Variants in PRKAG2 observed in about 807,000 individuals in gnomAD.
The protein encoded by PRKAG2 is 5'-AMP-activated protein kinase subunit gamma-2.
A neutral mutation model predicts 69.6 loss-of-function variants in PRKAG2; 26 were observed. The observed-to-expected ratio is 0.37, with a 90% CI of 0.27 to 0.52. The LOEUF (loss-of-function observed/expected upper bound fraction) is 0.52. PRKAG2 is among the 20% of genes least tolerant of loss of function. The pLI is 0.90. For missense variants in PRKAG2, 557 were observed against 740.0 expected (o/e 0.75, Z 2.87); for synonymous variants, 293 against 285.0 (o/e 1.03, Z -0.28).
At chr7:151,738,651 T>G (rs1186316283) in intron 3 of PRKAG2, among the ~76,000 whole-genome samples, 1 of 152,290 alleles carries the variant, frequency 6.6e-6, no homozygotes, top group African/African-American at 2.4e-5. Flanking sequence ...TAGCCCAACC[T>G]ATTCCTTTAA....
chr7:151,855,480 A>G (rs1199068107), intron 1 of PRKAG2, among the ~76,000 whole-genome samples: 4 of 34,592 alleles, frequency 1.2e-4, no homozygotes, highest in Non-Finnish European at 1.7e-4. Flanking sequence ...TGCTCCACAC[A>G]CCACCCTCCA....
Position 151,687,037 on chromosome 7 carries a change from C to T in PRKAG2, c.467-11400G>A, listed in dbSNP as rs373865607. On this transcript the variant is annotated intron_variant, in intron 3 of 15. Coordinates refer to ENST00000287878, the MANE Select transcript of PRKAG2 (RefSeq NM_016203.4). ...GCTTTGTATACCCAATAACATTCTG[C>T]ACCTAGTTATGAAATAGTTGGCTCT... Among the ~76,000 whole-genome samples the T allele has an allele frequency of 2.6e-5, 4 of 152,186 alleles. No individual in the cohort carries two copies. The South Asian group carries it at 8.3e-4, about 32-fold the overall frequency.
intron 1 of PRKAG2, among the ~76,000 whole-genome samples, chr7:151,855,209 T>C (rs1586728725): frequency 4.3e-5 from 4 of 92,942 alleles, no homozygotes; most frequent in Non-Finnish European, 9.0e-5. Flanking sequence ...CACACCACCC[T>C]CCACACACAC....
chr7:151,670,162 GCCCACATACA>G (rs1165381226), intron 4 of PRKAG2, among the ~76,000 whole-genome samples: 2 of 151,558 alleles, frequency 1.3e-5, no homozygotes, highest in East Asian at 3.9e-4. Flanking sequence ...CTGCATGCAT[GCCCACATACA>G]CCCACACACA....
chr7:151,828,314 G>A lies in PRKAG2; in HGVS notation c.115-41773C>T, dbSNP rs1219303635. ...GGATATCAAATCCTAGCCCAACAAG[G>A]GGTGACGGCAGGACTCTCCCCGGAT... On this transcript the variant is annotated intron_variant, in intron 1 of 15. Coordinates refer to ENST00000287878, the MANE Select transcript of PRKAG2 (RefSeq NM_016203.4). The surrounding 1 kb of genome is among the most constrained non-coding windows in gnomAD (Gnocchi z 4.6). Among the ~76,000 whole-genome samples the A allele has an allele frequency of 4.6e-5, 7 of 152,166 alleles. No individual in the cohort carries two copies. The highest frequency in any genetic ancestry group is 1.0e-4 in the Non-Finnish European group (7 of 68,036).
At chr7:151,651,834 T>C (rs956991961) in intron 4 of PRKAG2, among the ~76,000 whole-genome samples, 3 of 152,090 alleles carry the variant, frequency 2.0e-5, no homozygotes, top group Non-Finnish European at 2.9e-5. Flanking sequence ...ATGAGCTCAC[T>C]TGTAGATTAT....
chr7:151,800,798 T>G (rs74602755), intron 1 of PRKAG2, among the ~76,000 whole-genome samples: 1 of 152,142 alleles, frequency 6.6e-6, no homozygotes. Flanking sequence ...ACCCACAGAA[T>G]GTACACCACC....
chr7:151,560,992 C>A (rs938269478), intron 14 of PRKAG2, among the ~76,000 whole-genome samples: 7 of 152,154 alleles, frequency 4.6e-5, no homozygotes, highest in African/African-American at 1.7e-4. Flanking sequence ...CAGACCCATA[C>A]GATGACCTTA....
chr7:151,730,120 C>G (rs758624391), intron 3 of PRKAG2, among the ~76,000 whole-genome samples: 1 of 152,124 alleles, frequency 6.6e-6, no homozygotes, highest in Non-Finnish European at 1.5e-5. Flanking sequence ...GGAATGCATA[C>G]GTGAAATGGT....
intron 3 of PRKAG2, among the ~76,000 whole-genome samples, chr7:151,714,431 C>A (rs534208353): frequency 1.4e-5 from 1 of 73,204 alleles, no homozygotes; most frequent in African/African-American, 5.3e-5. Flanking sequence ...GGAGAGCCGT[C>A]CTCCCATCCG....
intron 3 of PRKAG2, among the ~76,000 whole-genome samples, chr7:151,685,198 G>C (rs1321451444): frequency 6.6e-6 from 1 of 152,058 alleles, no homozygotes; most frequent in Non-Finnish European, 1.5e-5. Context: ...TCCACCCTCC[G>C]TGTTGGTGGA....
At chr7:151,682,328 A>T (rs1038092099) in intron 3 of PRKAG2, among the ~76,000 whole-genome samples, 6 of 151,810 alleles carry the variant, frequency 4.0e-5, no homozygotes, top group African/African-American at 1.5e-4. Flanking sequence ...GCAGCCTCAA[A>T]CTCCTGGGCT....
At chr7:151,770,809 T>A (rs917690003) in intron 3 of PRKAG2, among the ~76,000 whole-genome samples, 2 of 152,148 alleles carry the variant, frequency 1.3e-5, no homozygotes, top group Non-Finnish European at 1.5e-5. Flanking sequence ...GGGGGTGAGA[T>A]AGAAAGTGGC....
intron 3 of PRKAG2, among the ~76,000 whole-genome samples, chr7:151,734,848 C>CTTTTTTTTTT (rs35008070): frequency 8.9e-5 from 8 of 90,082 alleles, no homozygotes; most frequent in African/African-American, 2.5e-4. Flanking sequence ...AAATCTGATT[C>CTTTTTTTTTT]TTTTTTTTTT....
chr7:151,719,511 C>T lies in PRKAG2; in HGVS notation c.467-43874G>A, dbSNP rs1381717079. On this transcript the variant is annotated intron_variant, in intron 3 of 15. Coordinates refer to ENST00000287878, the MANE Select transcript of PRKAG2 (RefSeq NM_016203.4). This position sits in a 1 kb window ranked among gnomAD's most constrained non-coding sequence, Gnocchi z 5.2. ...GTGCTGGGTCACCCTGAGACTCTCG[C>T]TGTCCAATCTTCCCTGCCACCGTGG... is the stretch of plus-strand genomic sequence containing the variant. Among the ~76,000 whole-genome samples, 1 of 152,152 alleles carries T rather than the reference C, an allele frequency of 6.6e-6. No homozygotes were observed. Among genetic ancestry groups the T allele is most frequent in the African/African-American group, 2.4e-5 (1 of 41,448 alleles).
intron 3 of PRKAG2, among the ~76,000 whole-genome samples, chr7:151,772,977 A>AAATG (rs1168012217): frequency 5.9e-5 from 8 of 136,588 alleles, no homozygotes; most frequent in Admixed American, 1.6e-4. Context: ...CCCTGTCTCT[A>AAATG]AATGAATGAA....
At chr7:151,832,273 AGGG>A (rs2079050625) in intron 1 of PRKAG2, among the ~76,000 whole-genome samples, 3 of 134,482 alleles carry the variant, frequency 2.2e-5, no homozygotes, top group Non-Finnish European at 4.7e-5. Context: ...GGAAGGGAGG[AGGG>A]AAGGAAGGGA....
rs1338278698 is a variant in PRKAG2 at position 151,699,588 on chromosome 7, G to A, written c.467-23951C>T. On this transcript the variant is annotated intron_variant, in intron 3 of 15. Transcript: ENST00000287878. This position sits in a 1 kb window ranked among gnomAD's most constrained non-coding sequence, Gnocchi z 4.5. ...AAATAAATCAGTGAATCAATGAGAT[G>A]AGAAGTATTCACTGGGCACCGGCTG... Among the ~76,000 whole-genome samples the A allele has an allele frequency of 6.6e-6, 1 of 152,226 alleles. No individual in the cohort carries two copies. Among genetic ancestry groups the A allele is most frequent in the African/African-American group, 2.4e-5 (1 of 41,456 alleles).
At chr7:151,741,794 G>A (rs1445107396) in intron 3 of PRKAG2, among the ~76,000 whole-genome samples, 1 of 152,146 alleles carries the variant, frequency 6.6e-6, no homozygotes, top group African/African-American at 2.4e-5. Flanking sequence ...GAGTTTAAAT[G>A]GTCATTCATT....
Sources: gnomAD v4.1 joint callset for allele counts (sites outside exome capture counted in the v4.1 genomes callset) on GRCh38, gnomAD v4.1.1 for gene constraint, Gnocchi (gnomAD v3.1) non-coding constraint, MANE v1.5 for transcripts, NCBI Gene and HGNC (gene_info 2026-07-23, HGNC 2026-07-21) for gene names.